The following DGKI variants were observed in gnomAD, a reference collection of about 807,000 sequenced individuals.
DGKI encodes DAG kinase iota.
A neutral mutation model predicts 147.5 loss-of-function variants in DGKI; 55 were observed. The ratio of observed to expected loss-of-function variants is 0.37; its 90% CI spans 0.30 to 0.47. DGKI has a LOEUF of 0.47. DGKI is among the 20% of genes least tolerant of loss of function. DGKI has a pLI of 1.00. For missense variants in DGKI, 1,007 were observed against 1,323.8 expected, an observed-to-expected ratio of 0.76 and a Z score of 3.71; for synonymous variants, 469 against 477.1, an observed-to-expected ratio of 0.98 and a Z score of 0.22.
intron 21 of DGKI, among the ~76,000 whole-genome samples, chr7:137,509,658 C>A (rs888315524): frequency 6.6e-6 from 1 of 152,064 alleles, no homozygotes; most frequent in Admixed American, 6.6e-5. Flanking sequence ...AGGACAAAGA[C>A]CACTTGTCAA....
chr7:137,548,843 C>T (rs1321323944), intron 20 of DGKI, among the ~76,000 whole-genome samples: 1 of 152,124 alleles, frequency 6.6e-6, no homozygotes, highest in African/African-American at 2.4e-5. Flanking sequence ...CACCTGTTGT[C>T]CCAGCTACTC....
intron 21 of DGKI, among the ~76,000 whole-genome samples, chr7:137,493,129 G>A (rs1217998384): frequency 6.6e-6 from 1 of 152,098 alleles, no homozygotes; most frequent in African/African-American, 2.4e-5. Context: ...AGCGCAACCT[G>A]CCCCCATCCA....
chr7:137,474,432 C>G (rs747832568), intron 23 of DGKI, among the ~76,000 whole-genome samples: 1 of 152,012 alleles, frequency 6.6e-6, no homozygotes, highest in Non-Finnish European at 1.5e-5. Context: ...ACAAGAAAAT[C>G]CAGGTACGAA....
intron 21 of DGKI, among the ~76,000 whole-genome samples, chr7:137,518,062 A>G (rs915377789): frequency 1.3e-5 from 2 of 152,080 alleles, no homozygotes; most frequent in African/African-American, 4.8e-5. Flanking sequence ...GTCAGCCTCT[A>G]TGACCTACTT....
At chr7:137,442,227 T>C (rs1165282699) in intron 28 of DGKI, among the ~76,000 whole-genome samples, 2 of 152,112 alleles carry the variant, frequency 1.3e-5, no homozygotes, top group Non-Finnish European at 2.9e-5. Flanking sequence ...ACTAATCACA[T>C]ATAAGGTTCT....
At chr7:137,508,215 G>GTTT (rs1366916796) in intron 21 of DGKI, among the ~76,000 whole-genome samples, 1 of 132,880 alleles carries the variant, frequency 7.5e-6, no homozygotes, top group African/African-American at 2.9e-5. Context: ...CTTTAGACAG[G>GTTT]TTTCTTTTTT....
chr7:137,622,843 G>A (rs1346639499), intron 7 of DGKI, among the ~76,000 whole-genome samples: 1 of 152,020 alleles, frequency 6.6e-6, no homozygotes, highest in Non-Finnish European at 1.5e-5. Flanking sequence ...AATAAAGTGG[G>A]AAAAAAGGTA....
chr7:137,681,850 T>C (rs1473727330), intron 2 of DGKI, among the ~76,000 whole-genome samples: 1 of 152,250 alleles, frequency 6.6e-6, no homozygotes, highest in African/African-American at 2.4e-5. Context: ...CTGGCGGCCT[T>C]GGGCCATAAG....
chr7:137,745,314 A>C (rs1795291840), intron 1 of DGKI, among the ~76,000 whole-genome samples: 1 of 152,184 alleles, frequency 6.6e-6, no homozygotes, highest in African/African-American at 2.4e-5. Context: ...CGTCCAAAGA[A>C]ATCACCCAGT....
At chr7:137,611,095 A>T (rs985902250) in intron 8 of DGKI, among the ~76,000 whole-genome samples, 1 of 152,188 alleles carries the variant, frequency 6.6e-6, no homozygotes, top group Non-Finnish European at 1.5e-5. Context: ...GTCTTTTATC[A>T]TGTCCCTCAC....
At chr7:137,570,263 A>G (rs1227194929) in intron 19 of DGKI, among the ~76,000 whole-genome samples, 1 of 152,202 alleles carries the variant, frequency 6.6e-6, no homozygotes, top group Non-Finnish European at 1.5e-5. Flanking sequence ...TCCGCACATC[A>G]TTTAATAATA....
intron 2 of DGKI, among the ~76,000 whole-genome samples, chr7:137,684,483 G>A (rs993119981): frequency 3.3e-5 from 5 of 152,164 alleles, no homozygotes; most frequent in African/African-American, 7.2e-5. Context: ...ACTGGACAGC[G>A]TTTGTTTAGA....
At chr7:137,777,565 C>T (rs1796398430) in intron 1 of DGKI, among the ~76,000 whole-genome samples, 2 of 152,240 alleles carry the variant, frequency 1.3e-5, no homozygotes, top group Admixed American at 1.3e-4. Context: ...TTTTTGAAAT[C>T]AGAATCAGCC....
intron 21 of DGKI, among the ~76,000 whole-genome samples, chr7:137,496,972 T>C (rs1815988820): frequency 6.6e-6 from 1 of 152,014 alleles, no homozygotes; most frequent in Non-Finnish European, 1.5e-5. Flanking sequence ...CTAATTAAAC[T>C]GAAGAGCTTC....
intron 6 of DGKI, among the ~76,000 whole-genome samples, chr7:137,630,012 A>G (rs1030754581): frequency 1.3e-5 from 2 of 152,218 alleles, no homozygotes; most frequent in South Asian, 4.1e-4. Flanking sequence ...TAAATATTCA[A>G]GATCTTCAAA....
intron 5 of DGKI, among the ~76,000 whole-genome samples, chr7:137,653,217 A>G (rs935467538): frequency 1.3e-5 from 2 of 152,222 alleles, no homozygotes; most frequent in Admixed American, 1.3e-4. Flanking sequence ...CCAATCAATT[A>G]CTACATCCTG....
chr7:137,412,218 C>A lies in DGKI; in HGVS notation c.2762-11G>T. 6.2e-7 allele frequency: 1 copy of A among 1,612,808 alleles called. No individual in the cohort carries two copies. The highest frequency in any genetic ancestry group is 8.5e-7 in the Non-Finnish European group (1 of 1,178,898). ...CTGCCTGCAAAATTGCTGTGAAAGA[C>A]AAAAGAGAGATGTCCCATTAGTAGA... On this transcript the variant is annotated splice_polypyrimidine_tract_variant and intron_variant, in intron 28 of 32. Coordinates refer to ENST00000614521, the MANE Select transcript of DGKI (RefSeq NM_001321708.2).
At chr7:137,735,292 T>C (rs1171434357) in intron 1 of DGKI, among the ~76,000 whole-genome samples, 5 of 152,150 alleles carry the variant, frequency 3.3e-5, no homozygotes, top group Admixed American at 6.6e-5. Context: ...GCTAATCTAT[T>C]TTGCTTTTGC....
intron 19 of DGKI, among the ~76,000 whole-genome samples, chr7:137,562,442 A>G (rs1351289794): frequency 2.0e-5 from 3 of 152,208 alleles, no homozygotes; most frequent in Non-Finnish European, 4.4e-5. Flanking sequence ...AGGCTGAGGC[A>G]GGAGAATCAC....
Sources: gnomAD v4.1 joint callset for allele counts (sites outside exome capture counted in the v4.1 genomes callset) on GRCh38, gnomAD v4.1.1 for gene constraint, MANE v1.5 for transcripts, NCBI Gene and HGNC (gene_info 2026-07-23, HGNC 2026-07-21) for gene names.